GSE1: variants seen among roughly 807,000 people sequenced by gnomAD.
GSE1 encodes the protein genetic suppressor element 1.
In GSE1, 32 loss-of-function variants were observed where a neutral mutation model predicts 112.6. The ratio of observed to expected loss-of-function variants is 0.28; its 90% confidence interval spans 0.21 to 0.38. The LOEUF is 0.38. Ranked by LOEUF, GSE1 falls within the 10% of genes least tolerant of loss-of-function variation. GSE1 has a pLI of 1.00. For synonymous variants in GSE1, 1,115 were observed against 735.6 expected (o/e 1.52, Z -8.35); for missense variants, 2,348 against 1,699.2 (o/e 1.38, Z -6.71).
intron 1 of GSE1, among the ~76,000 whole-genome samples, chr16:85,339,639 C>T (rs966080869): frequency 1.2e-4 from 6 of 50,238 alleles, no homozygotes; most frequent in Middle Eastern, 0.013. Flanking sequence ...CAGAGAGAGG[C>T]GGCGGGCGCA....
At chr16:85,246,160 G>A (rs1905642394) in intron 1 of GSE1, among the ~76,000 whole-genome samples, 1 of 149,742 alleles carries the variant, frequency 6.7e-6, no homozygotes, top group Non-Finnish European at 1.5e-5. Context: ...ATGGGGTGCC[G>A]TGGAGGCCCT....
At chr16:85,358,547 G>A (rs902755327) in intron 2 of GSE1, among the ~76,000 whole-genome samples, 2 of 152,050 alleles carry the variant, frequency 1.3e-5, no homozygotes, top group Middle Eastern at 3.2e-3. Flanking sequence ...GGGCTGAGCC[G>A]GGGAGGAGAT....
intron 1 of GSE1, among the ~76,000 whole-genome samples, chr16:85,558,782 G>T (rs771938358): frequency 1.3e-5 from 2 of 152,204 alleles, no homozygotes; most frequent in Admixed American, 1.3e-4. Context: ...AGGGCTTACC[G>T]GGAAGAACTA....
chr16:85,634,642 T>C (rs1369955674), intron 2 of GSE1, among the ~76,000 whole-genome samples: 1 of 152,110 alleles, frequency 6.6e-6, no homozygotes, highest in Non-Finnish European at 1.5e-5. Flanking sequence ...AGGCAGAGAC[T>C]GTGGGGAGCA....
intron 2 of GSE1, among the ~76,000 whole-genome samples, chr16:85,637,383 C>T (rs554982589): frequency 6.6e-6 from 1 of 152,216 alleles, no homozygotes; most frequent in Non-Finnish European, 1.5e-5. Flanking sequence ...GGTGGGGCCA[C>T]GAACCCGCAG....
chr16:85,199,542 G>T (rs1315189566), intron 1 of GSE1, among the ~76,000 whole-genome samples: 1 of 152,194 alleles, frequency 6.6e-6, no homozygotes, highest in Non-Finnish European at 1.5e-5. Flanking sequence ...GAGGCGCATC[G>T]GCTTAGCTGC....
intron 2 of GSE1, among the ~76,000 whole-genome samples, chr16:85,527,987 C>G (rs1231595400): frequency 6.6e-6 from 1 of 152,206 alleles, no homozygotes; most frequent in Admixed American, 6.5e-5. Context: ...TTCTCACACT[C>G]CAGCAGTTCA....
chr16:85,330,965 C>A (rs2046327898), intron 1 of GSE1, among the ~76,000 whole-genome samples: 1 of 151,982 alleles, frequency 6.6e-6, no homozygotes. Context: ...CAAAGCCTGG[C>A]TTTGGGGTAG....
chr16:85,631,280 T>C (rs1240907301), intron 1 of GSE1, among the ~76,000 whole-genome samples: 2 of 152,244 alleles, frequency 1.3e-5, no homozygotes, highest in East Asian at 3.8e-4. Context: ...TGGCAGCCCC[T>C]ATGTTGGCCA....
At chr16:85,534,365 GCCCACCTCGGCCT>G (rs1053911035) in intron 2 of GSE1, among the ~76,000 whole-genome samples, 28 of 151,966 alleles carry the variant, frequency 1.8e-4, no homozygotes, top group Admixed American at 1.7e-3. Context: ...CAAGTGATCC[GCCCACCTCGGCCT>G]CCCAAAGTGC....
chr16:85,522,869 TTTG>T (rs2052234393), intron 2 of GSE1, among the ~76,000 whole-genome samples: 2 of 152,006 alleles, frequency 1.3e-5, no homozygotes, highest in South Asian at 2.1e-4. Flanking sequence ...TGTGTGTGAC[TTTG>T]TTGTGTGCAT....
At chr16:85,555,821 C>A, upstream of GSE1, 1 of 911,384 alleles carries the variant, frequency 1.1e-6, no homozygotes, top group Non-Finnish European at 1.3e-6. Flanking sequence ...TTTTCTTTCC[C>A]CCCTCTCTCT....
chr16:85,566,538 T>C (rs368350194), intron 1 of GSE1, among the ~76,000 whole-genome samples: 57 of 152,170 alleles, frequency 3.7e-4, no homozygotes, highest in African/African-American at 1.2e-3. Context: ...AGAATTTCTT[T>C]GTTATAGATT....
intron 13 of GSE1, 64 bp downstream of exon 13, chr16:85,666,411 G>T: frequency 6.4e-7 from 1 of 1,554,256 alleles, no homozygotes; most frequent in Non-Finnish European, 8.9e-7. Context: ...AAGTTGCTGA[G>T]CGCCACAGCT....
At chr16:85,588,955 A>C (rs545961932) in intron 1 of GSE1, among the ~76,000 whole-genome samples, 1 of 151,966 alleles carries the variant, frequency 6.6e-6, no homozygotes, top group Non-Finnish European at 1.5e-5. Flanking sequence ...ACACATATTC[A>C]CACACACGTT....
intron 2 of GSE1, among the ~76,000 whole-genome samples, chr16:85,361,010 C>T (rs1013388168): frequency 1.3e-5 from 2 of 151,928 alleles, no homozygotes; most frequent in Non-Finnish European, 2.9e-5. Context: ...AACATCCTCG[C>T]ATAGGTGGAT....
intron 1 of GSE1, among the ~76,000 whole-genome samples, chr16:85,309,840 T>C (rs1403749141): frequency 1.3e-5 from 2 of 152,222 alleles, no homozygotes; most frequent in Non-Finnish European, 2.9e-5. Context: ...GAAACATCCA[T>C]TGTGCCCGCA....
chr16:85,432,802 C>G (rs1396667925), intron 2 of GSE1, among the ~76,000 whole-genome samples: 1 of 152,098 alleles, frequency 6.6e-6, no homozygotes, highest in African/African-American at 2.4e-5. Context: ...GCAGCAGGCC[C>G]CAGGTGCACA....
At position 85,199,432 on chromosome 16, in the gene GSE1, C is replaced by T. The variant is rs539892965; in HGVS notation, c.2283+27625C>T. 2.6e-5 allele frequency among the ~76,000 whole-genome samples: 4 copies of T among 152,302 alleles called. No individual in the cohort carries two copies. The South Asian group carries it at 8.3e-4, about 32-fold the overall frequency. On this transcript the variant is annotated intron_variant, in intron 1 of 2. Transcript: ENST00000637419. ...GGTGGGACTCACGGGGCCGAGTCTT[C>T]TGACCAAAAGACTTGAAGGAGGGCG...
Sources: allele counts gnomAD v4.1 joint callset (sites outside exome capture counted in the v4.1 genomes callset), GRCh38; gene constraint gnomAD v4.1.1; transcripts MANE v1.5; gene names NCBI Gene and HGNC (gene_info 2026-07-23, HGNC 2026-07-21).